Variants in LY75 observed in about 807,000 individuals in gnomAD.
LY75 encodes lymphocyte antigen 75.
A neutral mutation model predicts 231.7 loss-of-function variants in LY75; 185 were observed. The ratio of observed to expected loss-of-function variants is 0.80; its 90% CI spans 0.71 to 0.90. The LOEUF (loss-of-function observed/expected upper bound fraction) is 0.90. Ranked by LOEUF, LY75 falls within the 40% of genes least tolerant of loss-of-function variation. The pLI, the probability that LY75 is intolerant of heterozygous loss-of-function variation, is 0.00. For missense variants in LY75, 1,947 were observed against 2,050.2 expected (o/e 0.95, Z 0.97); for synonymous variants, 668 against 689.0 (o/e 0.97, Z 0.48).
In LY75 at chr2:159,894,002, G is replaced by A; in HGVS notation, c.549C>T (p.Cys183=). ...GCCCACTATGATCTTCATCAAGAAT[G>A]CAATCATGATGCCAGGTCCCATCAA... is the stretch of plus-strand genomic sequence containing the variant. ...FLIDGTWHHD[C]ILDEDHSGPW... is the part of the protein sequence containing the mutation. The change falls in exon 3 of 35, where the codon TGC becomes TGT. Residue 183 remains cysteine (C), a synonymous_variant. Coordinates refer to ENST00000263636, the MANE Select transcript of LY75 (RefSeq NM_002349.4). The A allele has an allele frequency of 1.2e-6, 2 of 1,613,928 alleles. No homozygotes were observed. The highest frequency in any genetic ancestry group is 1.7e-6 in the Non-Finnish European group (2 of 1,179,888).
At chr2:159,846,643 A>G (rs79287871) in intron 23 of LY75, among the ~76,000 whole-genome samples, 7,196 of 152,314 alleles carry the variant, frequency 0.047, 520 homozygotes, top group African/African-American at 0.16. Flanking sequence ...GGAAAAATAA[A>G]AAGGAAATAT....
In LY75 at chr2:159,849,847, T is replaced by C. The variant is rs1684327751; in HGVS notation, c.3150+133A>G. ...CTAGCAATCACTAACCTACTTACTA[T>C]CTTAGATGTGCCTATTCTGGACATT... is the stretch of plus-strand genomic sequence containing the variant. On this transcript the variant is annotated intron_variant, in intron 23 of 34. Coordinates refer to ENST00000263636, the MANE Select transcript of LY75 (RefSeq NM_002349.4). 1.0e-5 allele frequency: 12 copies of C among 1,180,664 alleles called. No homozygotes were observed. The South Asian group carries it at 2.0e-4, about 19-fold the overall frequency. 73.1% of individuals were successfully genotyped at this position (1,180,664 alleles called of 1,614,324 possible). A position where few individuals can be genotyped will look rare whatever the true frequency, so the allele number is the denominator to read the frequency against.
At chr2:159,887,211 T>TCACACACACACACACACACA (rs370794967) in intron 4 of LY75, among the ~76,000 whole-genome samples, 9 of 129,974 alleles carry the variant, frequency 6.9e-5, no homozygotes, top group South Asian at 2.6e-4. Flanking sequence ...AGAGTGAGAG[T>TCACACACACACACACACACA]CACACACACA....
chr2:159,838,488 T>C (rs1443390290), intron 25 of LY75, among the ~76,000 whole-genome samples: 4 of 152,312 alleles, frequency 2.6e-5, no homozygotes, highest in East Asian at 1.9e-4. Context: ...TACCAAAATA[T>C]TGATTGAATC....
In LY75 at chr2:159,898,703, C is replaced by A; in HGVS notation, c.451G>T (p.Asp151Tyr). The change falls in exon 2 of 35, where the codon GAC becomes TAC. Residue 151 changes from aspartate to tyrosine, a missense_variant. Asp to Tyr is a radical substitution (Grantham distance 160). Coordinates refer to ENST00000263636, the MANE Select transcript of LY75 (RefSeq NM_002349.4). ...TAATACTCACCATGATAAGGCTGGT[C>A]ACAAAGGCTTTCCTCTGAGCCTCCT... ...KKGGSEESLC[D>Y]QPYHEIYTRD... The A allele has an allele frequency of 3.7e-6, 6 of 1,612,638 alleles. No individual in the cohort carries two copies. Among genetic ancestry groups the A allele is most frequent in the Non-Finnish European group, 5.1e-6 (6 of 1,178,802 alleles).
Position 159,850,438 on chromosome 2 carries a change from G to T in LY75, c.2913C>A (p.Leu971=). The T allele has an allele frequency of 6.2e-7, 1 of 1,613,586 alleles. No homozygotes were observed. Among genetic ancestry groups the T allele is most frequent in the East Asian group, 2.2e-5 (1 of 44,852 alleles). ...AGGTATCGCTTGCTTGAGAAAATGT[G>T]AGAGACACGGGTTTGATCTTTAGAA... ...KCFLKIKPVS[L]TFSQASDTCH... is the part of the protein sequence containing the mutation. The change falls in exon 22 of 35, where the codon CTC becomes CTA. Residue 971 remains leucine (L), a synonymous_variant. Coordinates refer to ENST00000263636, the MANE Select transcript of LY75 (RefSeq NM_002349.4).
chr2:159,895,061 A>G (rs569578334), intron 2 of LY75, among the ~76,000 whole-genome samples: 50 of 152,222 alleles, frequency 3.3e-4, no homozygotes, highest in Non-Finnish European at 5.7e-4. Context: ...CCAGGCAATT[A>G]GGGTTCCTCC....
intron 28 of LY75, among the ~76,000 whole-genome samples, chr2:159,823,421 C>G (rs1371872651): frequency 6.6e-6 from 1 of 152,124 alleles, no homozygotes; most frequent in Admixed American, 6.5e-5. Context: ...AAGGAATGAA[C>G]AAAGCCTCCA....
chr2:159,822,003 T>G (rs1683308995), intron 28 of LY75, among the ~76,000 whole-genome samples: 1 of 152,190 alleles, frequency 6.6e-6, no homozygotes, highest in African/African-American at 2.4e-5. Context: ...CTGGCACAGA[T>G]AGTGCACTTG....
chr2:159,820,990 C>G (rs1057298978), intron 28 of LY75, among the ~76,000 whole-genome samples: 2 of 152,162 alleles, frequency 1.3e-5, no homozygotes, highest in Non-Finnish European at 2.9e-5. Context: ...AGGTGCCCAC[C>G]ACCGCGGCTG....
intron 15 of LY75, among the ~76,000 whole-genome samples, chr2:159,858,970 C>T (rs1487769394): frequency 1.3e-5 from 2 of 152,224 alleles, no homozygotes; most frequent in Non-Finnish European, 2.9e-5. Flanking sequence ...ACATCCATCA[C>T]TTCTTAGACT....
chr2:159,825,639 G>C (rs1246098333), intron 28 of LY75, among the ~76,000 whole-genome samples: 1 of 152,038 alleles, frequency 6.6e-6, no homozygotes, highest in East Asian at 1.9e-4. Flanking sequence ...ACCAAAACCT[G>C]GCAGAAACAC....
chr2:159,888,248 G>A (rs1201580145), intron 4 of LY75, among the ~76,000 whole-genome samples: 3 of 152,206 alleles, frequency 2.0e-5, no homozygotes, highest in African/African-American at 7.2e-5. Flanking sequence ...GCATGATCCT[G>A]TGCTCCTGTA....
Position 159,823,217 on chromosome 2 carries a change from C to G in LY75, c.3959-3297G>C, listed in dbSNP as rs563926449. Among the ~76,000 whole-genome samples the G allele has an allele frequency of 7.2e-5, 11 of 152,244 alleles. No homozygotes were observed. The South Asian group carries it at 2.3e-3, about 32-fold the overall frequency. ...GAACCTTGAAAAAAGGTTAGAGGAA[C>G]TGCTAACTAGAATACCCAGTGTAGA... On this transcript the variant is annotated intron_variant, in intron 28 of 34. Transcript: ENST00000263636.
chr2:159,848,636 A>G (rs1269938598), intron 23 of LY75, among the ~76,000 whole-genome samples: 1 of 152,214 alleles, frequency 6.6e-6, no homozygotes, highest in African/African-American at 2.4e-5. Context: ...GAGTAATAGT[A>G]TATATACTAT....
chr2:159,864,808 T>C, intron 14 of LY75, 31 bp downstream of exon 14: 5 of 1,523,498 alleles, frequency 3.3e-6, no homozygotes, highest in Non-Finnish European at 3.5e-6. Flanking sequence ...AGTGTTTCCA[T>C]ACTACCTAAA....
intron 31 of LY75, among the ~76,000 whole-genome samples, chr2:159,811,049 T>A (rs556627767): frequency 1.4e-4 from 22 of 152,268 alleles, no homozygotes; most frequent in South Asian, 1.0e-3. Flanking sequence ...TATTATTATT[T>A]TTTTTAGTAG....
At chr2:159,831,824 C>T (rs1683669934) in intron 27 of LY75, 38 bp from the exon 28 acceptor site, 2 of 1,533,894 alleles carry the variant, frequency 1.3e-6, no homozygotes, top group Non-Finnish European at 1.8e-6. Flanking sequence ...TTAACAATTA[C>T]TTATCTAGTA....
At chr2:159,860,931 T>A (rs370729453) in intron 14 of LY75, 42 bp from the exon 15 acceptor site, 2 of 1,610,762 alleles carry the variant, frequency 1.2e-6, no homozygotes, top group Non-Finnish European at 1.7e-6. Context: ...GACTGATGTA[T>A]AAATATTTGC....
Sources: gnomAD v4.1 joint callset for allele counts (sites outside exome capture counted in the v4.1 genomes callset) on GRCh38, gnomAD v4.1.1 for gene constraint, MANE v1.5 for transcripts, NCBI Gene and HGNC (gene_info 2026-07-23, HGNC 2026-07-21) for gene names.